MYO19: variants seen among roughly 807,000 people sequenced by gnomAD.
MYO19 encodes the protein unconventional myosin-XIX.
MYO19 carries 132 observed loss-of-function variants against 129.2 expected under a neutral mutation model. The observed-to-expected ratio is 1.02, with a 90% CI of 0.89 to 1.18. The LOEUF (loss-of-function observed/expected upper bound fraction) is 1.18, where lower values mean the gene tolerates loss of function less well. Ranked by LOEUF, MYO19 falls within the 50% of genes most tolerant of loss-of-function variation. MYO19 has a pLI of 0.00. For missense variants in MYO19, 1,210 were observed against 1,216.7 expected, an observed-to-expected ratio of 0.99 and a Z score of 0.08; for synonymous variants, 531 against 477.2, an observed-to-expected ratio of 1.11 and a Z score of -1.47.
At chr17:36,531,857 G>C (rs2073855659) in intron 3 of MYO19, among the ~76,000 whole-genome samples, 1 of 152,184 alleles carries the variant, frequency 6.6e-6, no homozygotes, top group South Asian at 2.1e-4. Flanking sequence ...CCTCAGCCCA[G>C]TGCCTGGCAA....
At chr17:36,528,566 C>T (rs2073637290) in intron 3 of MYO19, among the ~76,000 whole-genome samples, 2 of 151,526 alleles carry the variant, frequency 1.3e-5, no homozygotes, top group Non-Finnish European at 1.5e-5. Context: ...CTCAAAACAG[C>T]TGGCAGCTAC....
At chr17:36,515,051 C>T (rs1041016922) in intron 8 of MYO19, 62 bp downstream of exon 8, 4 of 1,504,586 alleles carry the variant, frequency 2.7e-6, no homozygotes, top group Admixed American at 2.0e-5. Flanking sequence ...AGATACTGCC[C>T]CAGCCACTTT....
At chr17:36,518,215 G>A (rs2072886409) in intron 6 of MYO19, among the ~76,000 whole-genome samples, 1 of 151,766 alleles carries the variant, frequency 6.6e-6, no homozygotes, top group Non-Finnish European at 1.5e-5. Flanking sequence ...CTCACGCCTG[G>A]AATCCCAGCA....
rs762460527 is a variant in MYO19 at position 36,527,504 on chromosome 17, C to T, written c.300+47G>A. The stretch of plus-strand genomic sequence containing the variant: ...CAGGGGTAACTGCAAAGAGGTTTAG[C>T]GGGAGGTAGAGGAGCCCTGAGGCCA... On this transcript the variant is annotated intron_variant, in intron 5 of 25. Coordinates refer to ENST00000614623, the MANE Select transcript of MYO19 (RefSeq NM_001163735.2). The T allele has an allele frequency of 3.5e-5, 56 of 1,588,706 alleles. 1 individual carries two copies. The Middle Eastern group carries it at 5.2e-4, about 15-fold the overall frequency.
intron 13 of MYO19, chr17:36,509,556 C>A: frequency 4.4e-6 from 1 of 228,150 alleles, no homozygotes; most frequent in South Asian, 6.6e-5. Flanking sequence ...GAGCTCAAGG[C>A]CCCACCATAC....
In MYO19 at chr17:36,516,024, T is replaced by TA. The variant is rs2072726367; in HGVS notation, c.415-35dup. ...GAAACAGCCCTGTGGGAGCTGTATC[T>TA]ATGCTCCCGCCCACTTCTGAGCCTG... On this transcript the variant is annotated intron_variant, in intron 6 of 25. Transcript: ENST00000614623. 2.5e-6 allele frequency: 4 copies of TA among 1,585,356 alleles called. No individual in the cohort carries two copies. The Admixed American group carries it at 6.8e-5, about 27-fold the overall frequency.
At chr17:36,500,798 G>A (rs1370595690) in intron 23 of MYO19, 32 bp downstream of exon 23, 2 of 1,582,572 alleles carry the variant, frequency 1.3e-6, no homozygotes, top group East Asian at 2.3e-5. Context: ...TGGGGTCTGT[G>A]AGCAGTGCTG....
chr17:36,500,673 AG>A (rs2071453425), intron 23 of MYO19, 156 bp downstream of exon 23: 2 of 1,039,832 alleles, frequency 1.9e-6, no homozygotes, highest in East Asian at 5.3e-5. Flanking sequence ...GTTATGAGTG[AG>A]GGGGACAGGG....
At chr17:36,513,843 G>T in intron 9 of MYO19, 118 bp from the exon 10 acceptor site, 1 of 858,884 alleles carries the variant, frequency 1.2e-6, no homozygotes, top group South Asian at 1.7e-5. Context: ...AAGGCTCAGA[G>T]GTCCCTTCCG....
chr17:36,534,270 G>C (rs2073993824), intron 1 of MYO19, 166 bp from the exon 2 acceptor site: 1 of 152,268 alleles, frequency 6.6e-6, no homozygotes. Context: ...CAGTCCAGCT[G>C]GCTCCGCCCC....
intron 5 of MYO19, among the ~76,000 whole-genome samples, chr17:36,525,955 A>G (rs2073437961): frequency 6.6e-6 from 1 of 152,224 alleles, no homozygotes; most frequent in Non-Finnish European, 1.5e-5. Context: ...CTCTCAGGAC[A>G]GACTGCCCCT....
chr17:36,535,846 T>G (rs2074103661), upstream of MYO19, among the ~76,000 whole-genome samples: 1 of 151,680 alleles, frequency 6.6e-6, no homozygotes, highest in Non-Finnish European at 1.5e-5. Context: ...TTTTCACTCC[T>G]GGCCTTAAGC....
intron 12 of MYO19, 49 bp downstream of exon 12, chr17:36,511,316 T>C: frequency 6.5e-7 from 1 of 1,542,270 alleles, no homozygotes; most frequent in Non-Finnish European, 8.8e-7. Context: ...CCAGCAATGC[T>C]GGCTACCTTC....
intron 6 of MYO19, among the ~76,000 whole-genome samples, chr17:36,523,717 A>G (rs1399353700): frequency 6.6e-6 from 1 of 152,242 alleles, no homozygotes; most frequent in African/African-American, 2.4e-5. Context: ...TATATACAGA[A>G]TATGTATTTT....
intron 15 of MYO19, 48 bp from the exon 16 acceptor site, chr17:36,507,560 T>A: frequency 6.3e-7 from 1 of 1,578,402 alleles, no homozygotes; most frequent in East Asian, 2.2e-5. Context: ...TGTGGTCTGA[T>A]GTCCTGACGG....
intron 2 of MYO19, among the ~76,000 whole-genome samples, chr17:36,541,901 C>T (rs1481315902): frequency 1.3e-5 from 2 of 152,124 alleles, no homozygotes; most frequent in East Asian, 3.8e-4. Flanking sequence ...ACTCTAAAAC[C>T]AGGAAGATGC....
chr17:36,526,903 G>C (rs1297185787), intron 5 of MYO19, among the ~76,000 whole-genome samples: 4 of 151,972 alleles, frequency 2.6e-5, no homozygotes, highest in East Asian at 3.9e-4. Flanking sequence ...AATAGGGCCG[G>C]GTACAGTGGC....
At chr17:36,528,240 G>T in intron 3 of MYO19, 38 bp from the exon 4 acceptor site, 1 of 1,544,416 alleles carries the variant, frequency 6.5e-7, no homozygotes, top group Non-Finnish European at 8.8e-7. Flanking sequence ...CAGGCACAGT[G>T]GCTCATGCCT....
intron 6 of MYO19, among the ~76,000 whole-genome samples, chr17:36,521,683 T>C (rs1394096517): frequency 6.6e-6 from 1 of 152,000 alleles, no homozygotes; most frequent in Non-Finnish European, 1.5e-5. Flanking sequence ...CCTAAAACCT[T>C]TGGGGGAAAA....
Sources: allele counts gnomAD v4.1 joint callset (sites outside exome capture counted in the v4.1 genomes callset), GRCh38; gene constraint gnomAD v4.1.1; transcripts MANE v1.5; gene names NCBI Gene and HGNC (gene_info 2026-07-23, HGNC 2026-07-21).